The following AGAP3 variants were observed in gnomAD, a reference collection of about 807,000 sequenced individuals.
AGAP3 encodes ArfGAP with GTPase domain, ankyrin repeat and PH domain 3, also known as arf-GAP with GTPase, ANK repeat and PH domain-containing protein 3.
In AGAP3, 24 loss-of-function variants were observed where a neutral mutation model predicts 96.9. The observed-to-expected ratio is 0.25, with a 90% CI of 0.18 to 0.35. AGAP3 has a LOEUF of 0.35. Among genes scored for constraint, AGAP3 ranks in the 10% least tolerant of loss-of-function variants. The pLI is 1.00. For synonymous variants in AGAP3, 563 were observed against 536.1 expected (o/e 1.05, Z -0.69); for missense variants, 876 against 1,254.2 (o/e 0.70, Z 4.55).
Position 151,120,023 on chromosome 7 carries a change from T to A in AGAP3, c.1006T>A (p.Ser336Thr). 1 of 1,613,928 alleles carries A rather than the reference T, an allele frequency of 6.2e-7. No homozygotes were observed. Among genetic ancestry groups the A allele is most frequent in the Non-Finnish European group, 8.5e-7 (1 of 1,179,932 alleles). ...CGGCGGCAGCGCCTTCAGCGACTAC[T>A]CGTCCTCAGTCCCCTCCACCCCCAG... ...NGGGSAFSDYSSSVPSTPSIS... is the reference protein window; with the variant it reads ...NGGGSAFSDYTSSVPSTPSIS... Residue 336 changes from serine to threonine, a missense_variant, in exon 8 of 18, where the codon TCG becomes ACG. Ser to Thr is a moderately conservative substitution (Grantham distance 58). Coordinates refer to ENST00000397238, the MANE Select transcript of AGAP3 (RefSeq NM_031946.7).
In AGAP3 at chr7:151,099,741, G is replaced by C. The variant is rs1162772041; in HGVS notation, c.331+12669G>C. Among the ~76,000 whole-genome samples, 5 of 152,342 alleles carry C rather than the reference G, an allele frequency of 3.3e-5. No homozygotes were observed. The East Asian group carries it at 7.7e-4, about 24-fold the overall frequency. On this transcript the variant is annotated intron_variant, in intron 1 of 17. Transcript: ENST00000397238. ...CTTCCCTCGGGACCGTGGGTCAGAGGCCTCAGTCAGCAAAGCCACAGTCTT... is the reference window on the plus strand; with the variant it reads ...CTTCCCTCGGGACCGTGGGTCAGAGCCCTCAGTCAGCAAAGCCACAGTCTT...
At chr7:151,126,898 ACATGGC>A (rs2150505189) in intron 9 of AGAP3, among the ~76,000 whole-genome samples, 1 of 152,354 alleles carries the variant, frequency 6.6e-6, no homozygotes, top group South Asian at 2.1e-4. Context: ...ATGTGTCTGC[ACATGGC>A]CATGTACTTC....
rs1164213886 is a variant in AGAP3 at position 151,096,695 on chromosome 7, A to G, written c.331+9623A>G. On this transcript the variant is annotated intron_variant, in intron 1 of 17. Transcript: ENST00000397238. This position sits in a 1 kb window ranked among gnomAD's most constrained non-coding sequence, Gnocchi z 4.4. ...CACCGCGTTAGCCAAGGTAGTCTCG[A>G]TCTCCTGACCTCGTGATCCACCCGC... Among the ~76,000 whole-genome samples, 1 of 151,948 alleles carries G rather than the reference A, an allele frequency of 6.6e-6. No individual in the cohort carries two copies. Among genetic ancestry groups the G allele is most frequent in the Non-Finnish European group, 1.5e-5 (1 of 67,990 alleles).
chr7:151,105,549 A>C (rs1799006120), intron 1 of AGAP3, among the ~76,000 whole-genome samples: 1 of 150,906 alleles, frequency 6.6e-6, no homozygotes. Flanking sequence ...TGAGGCCAGG[A>C]GTTTGAGACC....
chr7:151,133,494 GC>G lies in AGAP3; in HGVS notation c.1327-900del, dbSNP rs747282197. On this transcript the variant is annotated intron_variant, in intron 10 of 17. Coordinates refer to ENST00000397238, the MANE Select transcript of AGAP3 (RefSeq NM_031946.7). The surrounding 1 kb of genome is among the most constrained non-coding windows in gnomAD (Gnocchi z 5.4). ...ATGGGGGGAGTCCAAGCACAAAGTG[GC>G]CCCCCATCTCCGGGGCCCTGACTTG... Among the ~76,000 whole-genome samples, 1 of 152,052 alleles carries G rather than the reference GC, an allele frequency of 6.6e-6. No individual in the cohort carries two copies. The highest frequency in any genetic ancestry group is 1.5e-5 in the Non-Finnish European group (1 of 67,980).
chr7:151,122,838 C>A, intron 8 of AGAP3: 1 of 1,611,142 alleles, frequency 6.2e-7, no homozygotes, highest in Non-Finnish European at 8.5e-7. Flanking sequence ...CTGTGCGGGG[C>A]CGGAGGCGGG....
Position 151,117,446 on chromosome 7 carries a change from CT to C in AGAP3, c.555del (p.Glu186SerfsTer73). On this transcript the variant is annotated frameshift_variant, in exon 4 of 18. Transcript: ENST00000397238. LOFTEE classifies it high-confidence loss of function. ...LLLIRDEGGP[P>X]ELQFAAWVDA... ...CTGATCCGAGATGAAGGAGGCCCCCCTGAGCTCCAGGTGATGCTCCTGCCCA... is the reference window on the plus strand; with the variant it reads ...CTGATCCGAGATGAAGGAGGCCCCCCGAGCTCCAGGTGATGCTCCTGCCCA... The C allele has an allele frequency of 6.2e-7, 1 of 1,614,192 alleles. No individual in the cohort carries two copies. Among genetic ancestry groups the C allele is most frequent in the Non-Finnish European group, 8.5e-7 (1 of 1,180,014 alleles).
chr7:151,116,895 G>GC (rs750117069), intron 2 of AGAP3, 44 bp downstream of exon 2: 11 of 1,611,100 alleles, frequency 6.8e-6, no homozygotes, highest in Non-Finnish European at 8.5e-6. Context: ...GGAGCTGGGG[G>GC]GGCGAGGCTG....
intron 7 of AGAP3, 121 bp from the exon 8 acceptor site, chr7:151,119,866 G>A: frequency 1.2e-6 from 1 of 852,778 alleles, no homozygotes; most frequent in Non-Finnish European, 1.8e-6. Flanking sequence ...GGGGCTAGTG[G>A]CCCCTCTGCT....
chr7:151,123,021 GAGAAGAA>G, intron 8 of AGAP3: 1 of 1,381,184 alleles, frequency 7.2e-7, no homozygotes, highest in Non-Finnish European at 9.3e-7. Flanking sequence ...TCGCTGCATG[GAGAAGAA>G]GGCAGCTCGG....
At chr7:151,126,006 G>A (rs1011592335) in intron 9 of AGAP3, among the ~76,000 whole-genome samples, 1 of 124,666 alleles carries the variant, frequency 8.0e-6, no homozygotes, top group African/African-American at 3.2e-5. Flanking sequence ...GTGGGAAGAG[G>A]CACGGGCTAG....
intron 1 of AGAP3, among the ~76,000 whole-genome samples, chr7:151,097,019 A>G (rs1671691168): frequency 1.3e-5 from 2 of 150,618 alleles, no homozygotes; most frequent in African/African-American, 4.9e-5. Context: ...TCCTGACCTC[A>G]GGTGATCTGC....
chr7:151,117,026 C>A, intron 2 of AGAP3, 69 bp from the exon 3 acceptor site: 1 of 1,543,148 alleles, frequency 6.5e-7, no homozygotes, highest in Non-Finnish European at 8.9e-7. Context: ...TGCTTCTTTG[C>A]TTTTCCTGCT....
rs142296673 is a variant in AGAP3 at position 151,118,053 on chromosome 7, A to C, written c.707-157A>C. 4.9e-4 allele frequency: 509 copies of C among 1,039,508 alleles called. 1 individual carries two copies. In the African/African-American group the frequency reaches 7.6e-3, roughly 15 times the overall value. 64.4% of individuals were successfully genotyped at this position (1,039,508 alleles called of 1,614,324 possible). A position where few individuals can be genotyped will look rare whatever the true frequency, so the allele number is the denominator to read the frequency against. On this transcript the variant is annotated intron_variant, in intron 5 of 17. Transcript: ENST00000397238. The surrounding 1 kb of genome is among the most constrained non-coding windows in gnomAD (Gnocchi z 6.1). Reference sequence around the variant, plus strand: ...TGGTTTGCACTCAGTGAGGCCATGGAAGGGTTGAAATGAGACCCAGGCACC... The same window carrying C: ...TGGTTTGCACTCAGTGAGGCCATGGCAGGGTTGAAATGAGACCCAGGCACC...
chr7:151,096,737 G>T lies in AGAP3; in HGVS notation c.331+9665G>T, dbSNP rs1170847017. On this transcript the variant is annotated intron_variant, in intron 1 of 17. Coordinates refer to ENST00000397238, the MANE Select transcript of AGAP3 (RefSeq NM_031946.7). The surrounding 1 kb of genome is among the most constrained non-coding windows in gnomAD (Gnocchi z 4.4). ...TCCACCCGCCTCAGCCTCCTAAAGT[G>T]CTGGGATTACAGGCATGAGCCACTG... 6.6e-6 allele frequency among the ~76,000 whole-genome samples: 1 copy of T among 152,140 alleles called. No individual in the cohort carries two copies. The highest frequency in any genetic ancestry group is 2.4e-5 in the African/African-American group (1 of 41,434).
At position 151,142,713 on chromosome 7, in the gene AGAP3, C is replaced by T. The variant is rs1166233628; in HGVS notation, c.2273+79C>T. 5.5e-6 allele frequency: 8 copies of T among 1,455,292 alleles called. No individual in the cohort carries two copies. In the South Asian group the frequency reaches 7.2e-5, roughly 13 times the overall value. The allele number at this position is 1,455,292 out of a possible 1,614,324, so 90.1% of individuals were successfully genotyped here. A position where few individuals can be genotyped will look rare whatever the true frequency, so the allele number is the denominator to read the frequency against. ...CCCAGCATGGGGAAGATTGGAGTGG[C>T]TGTGATGGTATTAGAAGGGTTAAAA... On this transcript the variant is annotated intron_variant, in intron 16 of 17. Transcript: ENST00000397238. The surrounding 1 kb of genome is among the most constrained non-coding windows in gnomAD (Gnocchi z 7.5).
At chr7:151,136,029 G>C (rs1266839236) in intron 11 of AGAP3, among the ~76,000 whole-genome samples, 3 of 152,186 alleles carry the variant, frequency 2.0e-5, no homozygotes, top group Non-Finnish European at 4.4e-5. Flanking sequence ...GCCAGTGGGG[G>C]ACCTTGAGCC....
chr7:151,139,091 T>G lies in AGAP3; in HGVS notation c.1666+778T>G, dbSNP rs1461730151. On this transcript the variant is annotated intron_variant, in intron 12 of 17. Transcript: ENST00000397238. The surrounding 1 kb of genome is among the most constrained non-coding windows in gnomAD (Gnocchi z 4.9). Reference sequence around the variant, plus strand: ...GGAGCCAGCTCTCCTCTCCTGTCCCTTGCGCTTTCCATGCCCTTGTCCTGA... The same window carrying G: ...GGAGCCAGCTCTCCTCTCCTGTCCCGTGCGCTTTCCATGCCCTTGTCCTGA... Among the ~76,000 whole-genome samples, 2 of 152,242 alleles carry G rather than the reference T, an allele frequency of 1.3e-5. No homozygotes were observed. The highest frequency in any genetic ancestry group is 4.8e-5 in the African/African-American group (2 of 41,468).
At position 151,141,576 on chromosome 7, in the gene AGAP3, C is replaced by G. The variant is rs1800813945; in HGVS notation, c.1805-322C>G. 1 of 368,340 alleles carries G rather than the reference C, an allele frequency of 2.7e-6. No individual in the cohort carries two copies. The highest frequency in any genetic ancestry group is 2.9e-5 in the South Asian group (1 of 33,980). 22.8% of individuals were successfully genotyped at this position (368,340 alleles called of 1,614,324 possible). ...CACATCCTTCTCCAGATACTCAGCTCTTTCTGTGGGATGCACCCCTCTCTG... is the reference window on the plus strand; with the variant it reads ...CACATCCTTCTCCAGATACTCAGCTGTTTCTGTGGGATGCACCCCTCTCTG... On this transcript the variant is annotated intron_variant, in intron 13 of 17. Coordinates refer to ENST00000397238, the MANE Select transcript of AGAP3 (RefSeq NM_031946.7). The surrounding 1 kb of genome is among the most constrained non-coding windows in gnomAD (Gnocchi z 4.2).
Sources: allele counts gnomAD v4.1 joint callset (sites outside exome capture counted in the v4.1 genomes callset), GRCh38; gene constraint gnomAD v4.1.1; non-coding constraint Gnocchi (gnomAD v3.1); transcripts MANE v1.5; gene names NCBI Gene and HGNC (gene_info 2026-07-23, HGNC 2026-07-21).